The following ALK variants were observed in gnomAD, a reference collection of about 807,000 sequenced individuals.
The protein encoded by ALK is ALK receptor tyrosine kinase.
Under a neutral mutation model 163.1 loss-of-function variants are expected in ALK, and 74 were observed. The observed-to-expected ratio is 0.45, with a 90% CI of 0.38 to 0.55. The LOEUF (loss-of-function observed/expected upper bound fraction) is 0.55, where lower values mean the gene tolerates loss of function less well. ALK is among the 20% of genes least tolerant of loss of function. ALK has a pLI of 0.00. For synonymous variants in ALK, 960 were observed against 843.2 expected (o/e 1.14, Z -2.40); for missense variants, 2,063 against 2,105.3 (o/e 0.98, Z 0.39).
intron 3 of ALK, among the ~76,000 whole-genome samples, chr2:29,612,072 G>A (rs1675708431): frequency 6.6e-6 from 1 of 152,136 alleles, no homozygotes; most frequent in Non-Finnish European, 1.5e-5. Flanking sequence ...TCAGGGCCTG[G>A]AAGTGGCCGA....
At chr2:29,810,316 G>A (rs1321565721) in intron 1 of ALK, among the ~76,000 whole-genome samples, 1 of 151,774 alleles carries the variant, frequency 6.6e-6, no homozygotes, top group Non-Finnish European at 1.5e-5. Flanking sequence ...CAGCTACTCG[G>A]GAGGCTGAGG....
chr2:29,336,985 G>A (rs1045717270), intron 5 of ALK, among the ~76,000 whole-genome samples: 9 of 152,114 alleles, frequency 5.9e-5, no homozygotes, highest in Non-Finnish European at 1.3e-4. Flanking sequence ...TCAAACCTGG[G>A]GCTGGAGCTG....
chr2:29,196,185 C>T (rs1250527180), intron 28 of ALK, among the ~76,000 whole-genome samples: 1 of 152,120 alleles, frequency 6.6e-6, no homozygotes, highest in African/African-American at 2.4e-5. Flanking sequence ...CTTAACTCCT[C>T]ATCTATAAGG....
intron 3 of ALK, among the ~76,000 whole-genome samples, chr2:29,694,308 T>G (rs1678489708): frequency 6.6e-6 from 1 of 152,222 alleles, no homozygotes; most frequent in South Asian, 2.1e-4. Flanking sequence ...CGCCTGAGTA[T>G]TTATGAACGG....
Position 29,615,339 on chromosome 2 carries a change from C to G in ALK, c.952+79511G>C, listed in dbSNP as rs374412936. Among the ~76,000 whole-genome samples, 242 of 152,308 alleles carry G rather than the reference C, an allele frequency of 1.6e-3. 3 individuals are homozygous for G. The South Asian group carries it at 0.048, about 30-fold the overall frequency. The stretch of plus-strand genomic sequence containing the variant: ...TTTCTTCTGTTCTTCTAGTGCAAAG[C>G]TCTGGCACCAGACTGTCTGGAGTCA... On this transcript the variant is annotated intron_variant, in intron 3 of 28. Coordinates refer to ENST00000389048, the MANE Select transcript of ALK (RefSeq NM_004304.5).
At chr2:29,813,643 G>A (rs779801672) in intron 1 of ALK, among the ~76,000 whole-genome samples, 1 of 152,182 alleles carries the variant, frequency 6.6e-6, no homozygotes, top group Admixed American at 6.5e-5. Context: ...GAGAGGCCCT[G>A]CCTTGCACAA....
At chr2:29,839,396 T>A (rs373164697) in intron 1 of ALK, among the ~76,000 whole-genome samples, 18 of 152,054 alleles carry the variant, frequency 1.2e-4, no homozygotes, top group African/African-American at 4.3e-4. Flanking sequence ...GAAGAATGAG[T>A]GGCTGAGAAT....
intron 4 of ALK, among the ~76,000 whole-genome samples, chr2:29,399,093 G>A (rs944607655): frequency 1.3e-5 from 2 of 152,162 alleles, no homozygotes; most frequent in South Asian, 2.1e-4. Context: ...TTAGATAATA[G>A]TTACATTAGC....
At chr2:29,298,554 A>G (rs1666270693) in intron 8 of ALK, among the ~76,000 whole-genome samples, 1 of 152,162 alleles carries the variant, frequency 6.6e-6, no homozygotes, top group African/African-American at 2.4e-5. Context: ...GTGAGGTGGT[A>G]CTTGTTCATT....
intron 1 of ALK, among the ~76,000 whole-genome samples, chr2:29,731,081 C>T (rs1042066017): frequency 9.2e-5 from 14 of 152,150 alleles, no homozygotes; most frequent in African/African-American, 2.7e-4. Flanking sequence ...GATCTGAGAG[C>T]GCCTCAGAAA....
chr2:29,521,127 G>A lies in ALK; in HGVS notation c.1154+10788C>T, dbSNP rs138798811. Among the ~76,000 whole-genome samples the A allele has an allele frequency of 7.9e-5, 12 of 152,266 alleles. No individual in the cohort carries two copies. In the East Asian group the frequency reaches 2.3e-3, roughly 29 times the overall value. On this transcript the variant is annotated intron_variant, in intron 4 of 28. Transcript: ENST00000389048. ...GTGGGGCTAAGAAAAAAGCAGCATG[G>A]CCCACAGGTCTTTCCTTAGACTCCC...
intron 1 of ALK, among the ~76,000 whole-genome samples, chr2:29,805,539 C>T (rs920555856): frequency 1.1e-4 from 16 of 152,222 alleles, no homozygotes; most frequent in East Asian, 7.7e-4. Context: ...TTCCCCTCCC[C>T]GTGTCTACGT....
At chr2:29,482,391 C>T (rs1573391075) in intron 4 of ALK, among the ~76,000 whole-genome samples, 1 of 152,124 alleles carries the variant, frequency 6.6e-6, no homozygotes, top group African/African-American at 2.4e-5. Context: ...GCATAAATCC[C>T]ACTTCTTCAA....
At chr2:29,620,015 C>G (rs1421091605) in intron 3 of ALK, among the ~76,000 whole-genome samples, 1 of 152,246 alleles carries the variant, frequency 6.6e-6, no homozygotes, top group Non-Finnish European at 1.5e-5. Flanking sequence ...GGGTTCATTA[C>G]TTGGCTCTCC....
chr2:29,742,770 C>A (rs918417512), intron 1 of ALK, among the ~76,000 whole-genome samples: 1 of 152,166 alleles, frequency 6.6e-6, no homozygotes, highest in African/African-American at 2.4e-5. Flanking sequence ...ACCTGAAGAG[C>A]TTATTCCCTC....
intron 4 of ALK, among the ~76,000 whole-genome samples, chr2:29,390,742 A>C (rs1254063130): frequency 1.3e-5 from 2 of 152,266 alleles, no homozygotes; most frequent in Non-Finnish European, 2.9e-5. Flanking sequence ...GCCTGCATTT[A>C]AAGCATTTTT....
At chr2:29,466,926 A>T (rs576220355) in intron 4 of ALK, among the ~76,000 whole-genome samples, 2 of 152,220 alleles carry the variant, frequency 1.3e-5, no homozygotes, top group Non-Finnish European at 2.9e-5. Flanking sequence ...ATGGGTTATT[A>T]TGATATCTTT....
intron 3 of ALK, among the ~76,000 whole-genome samples, chr2:29,581,381 C>G (rs1573473721): frequency 6.7e-6 from 1 of 149,850 alleles, no homozygotes; most frequent in African/African-American, 2.4e-5. Flanking sequence ...GAGTGAGGAT[C>G]CATCTCAAAT....
At chr2:29,489,958 T>C (rs540034279) in intron 4 of ALK, among the ~76,000 whole-genome samples, 14 of 152,240 alleles carry the variant, frequency 9.2e-5, no homozygotes, top group Non-Finnish European at 1.9e-4. Flanking sequence ...AACATGGTTG[T>C]TGCACCACAT....
Sources: gnomAD v4.1 joint callset for allele counts (sites outside exome capture counted in the v4.1 genomes callset) on GRCh38, gnomAD v4.1.1 for gene constraint, MANE v1.5 for transcripts, NCBI Gene and HGNC (gene_info 2026-07-23, HGNC 2026-07-21) for gene names.